LLGL2: variants seen among roughly 807,000 people sequenced by gnomAD.
LLGL2 encodes LLGL scribble cell polarity complex component 2.
Under a neutral mutation model 123.2 loss-of-function variants are expected in LLGL2, and 81 were observed. That is an observed-to-expected ratio of 0.66 (90% CI 0.55 to 0.79). The LOEUF is 0.79. Among genes scored for constraint, LLGL2 ranks in the 30% least tolerant of loss-of-function variants. The probability of loss-of-function intolerance (pLI) is 0.00; values close to 1 mark genes in which losing one functional copy is unlikely to be tolerated. For synonymous variants in LLGL2, 577 were observed against 594.1 expected (o/e 0.97, Z 0.42); for missense variants, 1,273 against 1,414.6 (o/e 0.90, Z 1.61).
intron 10 of LLGL2, among the ~76,000 whole-genome samples, chr17:75,566,238 C>T (rs1357067682): frequency 6.6e-6 from 1 of 152,116 alleles, no homozygotes; most frequent in Non-Finnish European, 1.5e-5. Context: ...CGTGGAGGCA[C>T]GGTAAGGACT....
At chr17:75,526,628 G>A (rs1180606205) in intron 1 of LLGL2, among the ~76,000 whole-genome samples, 1 of 151,982 alleles carries the variant, frequency 6.6e-6, no homozygotes, top group Non-Finnish European at 1.5e-5. Context: ...GAGTGAGGAG[G>A]GCGCCCCTTC....
rs1290876855 is a variant in LLGL2, at chr17:75,558,511, G to A, written c.256-1G>A. 3.2e-6 allele frequency: 5 copies of A among 1,585,490 alleles called. No individual in the cohort carries two copies. The South Asian group carries it at 3.5e-5, about 11-fold the overall frequency. On this transcript the variant is annotated splice_acceptor_variant, in intron 4 of 25. Coordinates refer to ENST00000392550, the MANE Select transcript of LLGL2 (RefSeq NM_001031803.2). LOFTEE classifies it high-confidence loss of function. This position sits in a 1 kb window ranked among gnomAD's most constrained non-coding sequence, Gnocchi z 4.0. ...ATGATCCCGTCGTGTGCCCTCGCCA[G>A]TGCCAGCTGGTCACCCTGCTGGATG...
chr17:75,530,093 G>A (rs1010199371), intron 1 of LLGL2, among the ~76,000 whole-genome samples: 8 of 152,210 alleles, frequency 5.3e-5, no homozygotes, highest in African/African-American at 1.9e-4. Flanking sequence ...AAGCATAAGA[G>A]GCATCCGTCT....
rs2147184760 is a variant in LLGL2, at chr17:75,541,735, T to C, written c.-30-1662T>C. Among the ~76,000 whole-genome samples, 2 of 142,636 alleles carry C rather than the reference T, an allele frequency of 1.4e-5. 1 individual carries two copies. Among genetic ancestry groups the C allele is most frequent in the South Asian group, 4.7e-4 (2 of 4,290 alleles). The allele number at this position is 142,636 out of a possible 152,430, so 93.6% of individuals were successfully genotyped here. On this transcript the variant is annotated intron_variant, in intron 1 of 25. Transcript: ENST00000392550. ...CTCTGCTTTTTTTTTTTTTTTTTTT[T>C]TTTTTTTTTTTGAGATACTGTTTTT...
Position 75,564,428 on chromosome 17 carries a change from C to T in LLGL2, c.957C>T (p.His319=), listed in dbSNP as rs142710200. 1.7e-4 allele frequency: 278 copies of T among 1,613,518 alleles called. No homozygotes were observed. In the African/African-American group the frequency reaches 3.4e-3, roughly 20 times the overall value. The change falls in exon 10 of 26, where the codon CAC becomes CAT. Residue 319 remains histidine (H), a synonymous_variant. Coordinates refer to ENST00000392550, the MANE Select transcript of LLGL2 (RefSeq NM_001031803.2). This position sits in a 1 kb window ranked among gnomAD's most constrained non-coding sequence, Gnocchi z 4.9. Reference sequence around the variant, plus strand: ...ACCGCCACTGCATCTCAGTGATCCACGATGGCCAGCAGACGGCCTTCGACT... The same window carrying T: ...ACCGCCACTGCATCTCAGTGATCCATGATGGCCAGCAGACGGCCTTCGACT... ...YGDRHCISVI[H]DGQQTAFDFT...
intron 1 of LLGL2, among the ~76,000 whole-genome samples, chr17:75,530,563 T>C (rs1446650463): frequency 6.7e-6 from 1 of 149,274 alleles, no homozygotes; most frequent in Non-Finnish European, 1.5e-5. Flanking sequence ...GGCAGGAGAA[T>C]GGTGTGAACC....
In LLGL2 at chr17:75,564,508, G is replaced by A. The variant is rs1410919148; in HGVS notation, c.1036+1G>A. On this transcript the variant is annotated splice_donor_variant, in intron 10 of 25. Transcript: ENST00000392550. LOFTEE classifies it high-confidence loss of function. The surrounding 1 kb of genome is among the most constrained non-coding windows in gnomAD (Gnocchi z 4.9). ...CTCACAGAGGCAGACCCTGCAGCCA[G>A]TAGGAGAGCTTCGGGAGTGGGTGCC... 1 of 1,613,108 alleles carries A rather than the reference G, an allele frequency of 6.2e-7. No individual in the cohort carries two copies. The highest frequency in any genetic ancestry group is 1.3e-5 in the African/African-American group (1 of 74,930).
intron 1 of LLGL2, among the ~76,000 whole-genome samples, chr17:75,532,096 T>C (rs2053818098): frequency 6.8e-6 from 1 of 146,038 alleles, no homozygotes; most frequent in African/African-American, 2.6e-5. Context: ...TTTTTTTTTT[T>C]TTGAGACGGA....
At chr17:75,535,491 T>A (rs556824279) in intron 1 of LLGL2, among the ~76,000 whole-genome samples, 51 of 152,310 alleles carry the variant, frequency 3.3e-4, no homozygotes, top group Non-Finnish European at 6.2e-4. Flanking sequence ...TCCCGAGCTA[T>A]GGAGGGAGTT....
intron 16 of LLGL2, 159 bp downstream of exon 16, chr17:75,570,657 T>C (rs2147548193): frequency 2.2e-6 from 1 of 447,364 alleles, no homozygotes; most frequent in Admixed American, 6.4e-5. Context: ...GTCACGCTGC[T>C]TCTCTCTGCC....
At chr17:75,538,926 T>C (rs2054106863) in intron 1 of LLGL2, among the ~76,000 whole-genome samples, 1 of 152,168 alleles carries the variant, frequency 6.6e-6, no homozygotes. Context: ...AGAGTCTCGC[T>C]CTGTGGCCCA....
intron 2 of LLGL2, among the ~76,000 whole-genome samples, chr17:75,545,001 G>A (rs7225594): frequency 0.78 from 118,142 of 151,848 alleles, 46,671 homozygotes; most frequent in Non-Finnish European, 0.86. Flanking sequence ...TCAAAGCTTC[G>A]GTGTCCACGG....
intron 1 of LLGL2, among the ~76,000 whole-genome samples, chr17:75,537,956 C>G (rs2054068780): frequency 6.6e-6 from 1 of 151,994 alleles, no homozygotes; most frequent in Non-Finnish European, 1.5e-5. Flanking sequence ...CCACATGGTG[C>G]CCGTCACCAT....
intron 1 of LLGL2, among the ~76,000 whole-genome samples, chr17:75,532,077 CT>C (rs1555648013): frequency 1.0e-3 from 84 of 83,966 alleles, no homozygotes; most frequent in South Asian, 2.3e-3. Flanking sequence ...CACACACACA[CT>C]TTTTTTTTTT....
At chr17:75,535,968 A>G (rs62088476) in intron 1 of LLGL2, among the ~76,000 whole-genome samples, 1 of 152,214 alleles carries the variant, frequency 6.6e-6, no homozygotes, top group Admixed American at 6.5e-5. Context: ...GGCTGGTTCC[A>G]CATGCAAGGC....
intron 1 of LLGL2, among the ~76,000 whole-genome samples, chr17:75,536,067 G>C (rs901521785): frequency 6.6e-6 from 1 of 152,226 alleles, no homozygotes; most frequent in Non-Finnish European, 1.5e-5. Flanking sequence ...CCGCCAAAAG[G>C]GAACAGAGCA....
chr17:75,545,745 G>A (rs1026649376), intron 2 of LLGL2, among the ~76,000 whole-genome samples: 1 of 152,192 alleles, frequency 6.6e-6, no homozygotes, highest in Non-Finnish European at 1.5e-5. Context: ...CTTTGGGCAA[G>A]GCAGGTAAGC....
intron 2 of LLGL2, chr17:75,546,294 T>A (rs936755044): frequency 6.6e-6 from 1 of 152,650 alleles, no homozygotes; most frequent in Non-Finnish European, 1.5e-5. Flanking sequence ...AACAGTGCTC[T>A]CCATTTTTGG....
At chr17:75,573,663 C>T (rs1259579482) in intron 21 of LLGL2, 32 bp downstream of exon 21, 1 of 1,525,952 alleles carries the variant, frequency 6.6e-7, no homozygotes, top group Non-Finnish European at 8.8e-7. Flanking sequence ...CTCTCCCGCC[C>T]CTCCCGCCCC....
Sources: gnomAD v4.1 joint callset for allele counts (sites outside exome capture counted in the v4.1 genomes callset) on GRCh38, gnomAD v4.1.1 for gene constraint, Gnocchi (gnomAD v3.1) non-coding constraint, MANE v1.5 for transcripts, NCBI Gene and HGNC (gene_info 2026-07-23, HGNC 2026-07-21) for gene names.